COQ8B: variants seen among roughly 807,000 people sequenced by gnomAD.
COQ8B encodes coenzyme Q8B.
COQ8B carries 44 observed loss-of-function variants against 62.0 expected under a neutral mutation model. The ratio of observed to expected loss-of-function variants is 0.71; its 90% confidence interval spans 0.56 to 0.91. The LOEUF is 0.91. COQ8B is among the 40% of genes least tolerant of loss of function. The pLI, the probability that COQ8B is intolerant of heterozygous loss-of-function variation, is 0.00. For missense variants in COQ8B, 649 were observed against 731.6 expected (o/e 0.89, Z 1.30); for synonymous variants, 252 against 289.9 (o/e 0.87, Z 1.33).
At position 40,704,892 on chromosome 19, in the gene COQ8B, T is replaced by C. The variant is rs948153684; in HGVS notation, c.576+204A>G. On this transcript the variant is annotated intron_variant, in intron 7 of 14. Coordinates refer to ENST00000324464, the MANE Select transcript of COQ8B (RefSeq NM_024876.4). The stretch of plus-strand genomic sequence containing the variant: ...ATCGCCATTTCCCAGGGAAGGGAAC[T>C]GAAGCACAGAGAGGTCAGGCTGCTG... 1.1e-5 allele frequency: 6 copies of C among 543,932 alleles called. No individual in the cohort carries two copies. The African/African-American group carries it at 1.1e-4, about 10-fold the overall frequency. The allele number at this position is 543,932 out of a possible 1,614,324, so 33.7% of individuals were successfully genotyped here.
In COQ8B at chr19:40,714,582, G is replaced by A. The variant is rs2082170068; in HGVS notation, c.51C>T (p.Gly17=). The A allele has an allele frequency of 2.5e-6, 4 of 1,613,154 alleles. No homozygotes were observed. Among genetic ancestry groups the A allele is most frequent in the African/African-American group, 1.3e-5 (1 of 74,872 alleles). ...CCCCACAAGGCCAACCAACAGTCTGGCCCAGCTGTCCACCGGTCCCCCGAA... is the reference window on the plus strand; with the variant it reads ...CCCCACAAGGCCAACCAACAGTCTGACCCAGCTGTCCACCGGTCCCCCGAA... ...GLLRGTGGQL[G]QTVGWPCGAL... The change falls in exon 2 of 15, where the codon GGC becomes GGT. Residue 17 remains glycine (G), a synonymous_variant. Coordinates refer to ENST00000324464, the MANE Select transcript of COQ8B (RefSeq NM_024876.4).
Position 40,692,353 on chromosome 19 carries a change from C to T in COQ8B, c.1317G>A (p.Val439=), listed in dbSNP as rs1456595341. The change falls in exon 15 of 15, where the codon GTG becomes GTA. Residue 439 remains valine (V), a synonymous_variant. Coordinates refer to ENST00000324464, the MANE Select transcript of COQ8B (RefSeq NM_024876.4). The part of the protein sequence containing the change: ...FETKAFSDAH[V]EAVMILGEPF... ...GCTCCCCCAGGATCATCACTGCCTC[C>T]ACGTGGGCGTCGGAGAATGCCTGGG... 1.2e-6 allele frequency: 2 copies of T among 1,613,474 alleles called. No homozygotes were observed. Among genetic ancestry groups the T allele is most frequent in the Non-Finnish European group, 1.7e-6 (2 of 1,179,826 alleles).
intron 5 of COQ8B, 63 bp from the exon 6 acceptor site, chr19:40,705,510 G>A (rs745766558): frequency 1.1e-4 from 162 of 1,481,984 alleles, no homozygotes; most frequent in Non-Finnish European, 1.4e-4. Context: ...CAGGCCCGGC[G>A]GCCCACGCCT....
At chr19:40,699,504 T>C (rs2082045260) in intron 12 of COQ8B, among the ~76,000 whole-genome samples, 2 of 152,120 alleles carry the variant, frequency 1.3e-5, no homozygotes, top group Non-Finnish European at 2.9e-5. Context: ...GACTGGGCAC[T>C]CTGAGAAGGC....
intron 4 of COQ8B, among the ~76,000 whole-genome samples, chr19:40,711,578 T>G (rs2082142212): frequency 6.6e-6 from 1 of 152,224 alleles, no homozygotes; most frequent in Admixed American, 6.6e-5. Context: ...CCATTTGTCC[T>G]ATCTATCTAG....
chr19:40,697,872 A>G (rs901045884), intron 12 of COQ8B, among the ~76,000 whole-genome samples: 1 of 130,890 alleles, frequency 7.6e-6, no homozygotes, highest in Non-Finnish European at 1.7e-5. Context: ...AGAGAGAGAG[A>G]GAGAGTTTCT....
intron 12 of COQ8B, among the ~76,000 whole-genome samples, chr19:40,698,165 G>A (rs148614081): frequency 0.017 from 2,544 of 149,692 alleles, 35 homozygotes; most frequent in Middle Eastern, 0.083. Flanking sequence ...GCAGTGAGCC[G>A]AGATCACACC....
At chr19:40,696,143 A>G in intron 12 of COQ8B, 89 bp from the exon 13 acceptor site, 1 of 1,425,436 alleles carries the variant, frequency 7.0e-7, no homozygotes, top group Non-Finnish European at 9.9e-7. Flanking sequence ...CTCCCTCCCC[A>G]TGACCCTGCC....
chr19:40,714,257 G>T (rs1417980089), intron 3 of COQ8B, 21 bp downstream of exon 3: 1 of 1,608,282 alleles, frequency 6.2e-7, no homozygotes, highest in African/African-American at 1.3e-5. Flanking sequence ...GGTGTTGCTG[G>T]GTGGGTGGGG....
chr19:40,706,491 T>C (rs1293118348), intron 5 of COQ8B, among the ~76,000 whole-genome samples: 2 of 152,174 alleles, frequency 1.3e-5, no homozygotes, highest in African/African-American at 4.8e-5. Flanking sequence ...TTTGAGACAG[T>C]GTCTCACTCT....
At chr19:40,700,663 C>G in intron 10 of COQ8B, 1 of 592,732 alleles carries the variant, frequency 1.7e-6, no homozygotes, top group Non-Finnish European at 2.9e-6. Flanking sequence ...CTACTCTGCA[C>G]CTGCCTCTCA....
At chr19:40,704,195 G>A (rs566523002) in intron 7 of COQ8B, 1 of 204,426 alleles carries the variant, frequency 4.9e-6, no homozygotes, top group Non-Finnish European at 9.9e-6. Flanking sequence ...TGTAGCCCAG[G>A]CTGGAGTGTA....
chr19:40,714,806 A>G (rs999422276), intron 1 of COQ8B, 171 bp from the exon 2 acceptor site: 31 of 1,339,882 alleles, frequency 2.3e-5, no homozygotes, highest in Non-Finnish European at 1.9e-6. Flanking sequence ...AGGAACCCTT[A>G]GCTCTTCCTG....
chr19:40,692,710 C>T (rs1044341501), intron 14 of COQ8B, among the ~76,000 whole-genome samples: 4 of 151,878 alleles, frequency 2.6e-5, no homozygotes, highest in Non-Finnish European at 4.4e-5. Flanking sequence ...GCAGCCACCT[C>T]CCCCCACTCC....
intron 4 of COQ8B, among the ~76,000 whole-genome samples, chr19:40,711,762 G>A (rs1457426348): frequency 6.6e-6 from 1 of 152,172 alleles, no homozygotes; most frequent in Non-Finnish European, 1.5e-5. Flanking sequence ...GTCAGGGGCT[G>A]TTCCCAGTGC....
At chr19:40,707,875 T>G (rs928607828) in intron 5 of COQ8B, among the ~76,000 whole-genome samples, 4 of 152,182 alleles carry the variant, frequency 2.6e-5, no homozygotes, top group African/African-American at 9.6e-5. Context: ...TCATCAGTTT[T>G]AAAGGTGTGC....
chr19:40,704,871 C>T (rs1399110190), intron 7 of COQ8B: 1 of 513,806 alleles, frequency 1.9e-6, no homozygotes, highest in Non-Finnish European at 3.5e-6. Flanking sequence ...GTCACTATCG[C>T]CATTTCCCAG....
chr19:40,695,701 C>T (rs146103260), intron 13 of COQ8B, among the ~76,000 whole-genome samples: 3 of 152,120 alleles, frequency 2.0e-5, no homozygotes, highest in African/African-American at 7.2e-5. Context: ...ATCTTGGGCA[C>T]GTGACTTAAC....
chr19:40,696,145 GA>G, intron 12 of COQ8B, 91 bp from the exon 13 acceptor site: 1 of 1,399,636 alleles, frequency 7.1e-7, no homozygotes, highest in Non-Finnish European at 1.0e-6. Context: ...CCCTCCCCAT[GA>G]CCCTGCCTGC....
Sources: gnomAD v4.1 joint callset for allele counts (sites outside exome capture counted in the v4.1 genomes callset) on GRCh38, gnomAD v4.1.1 for gene constraint, MANE v1.5 for transcripts, NCBI Gene and HGNC (gene_info 2026-07-23, HGNC 2026-07-21) for gene names.